Variants in PPARG observed in about 807,000 individuals in gnomAD.
PPARG encodes the protein peroxisome proliferator activated receptor gamma.
A neutral mutation model predicts 39.2 loss-of-function variants in PPARG; 17 were observed. That is an observed-to-expected ratio of 0.43 (90% CI 0.30 to 0.65). The LOEUF is 0.65. Among genes scored for constraint, PPARG ranks in the 30% least tolerant of loss-of-function variants. The pLI, the probability that PPARG is intolerant of heterozygous loss-of-function variation, is 0.13. For synonymous variants in PPARG, 223 were observed against 215.7 expected, an observed-to-expected ratio of 1.03 and a Z score of -0.30; for missense variants, 406 against 585.9, an observed-to-expected ratio of 0.69 and a Z score of 3.17.
At chr3:12,349,192 A>C (rs2048411236) in intron 2 of PPARG, among the ~76,000 whole-genome samples, 1 of 152,172 alleles carries the variant, frequency 6.6e-6, no homozygotes, top group South Asian at 2.1e-4. Context: ...TTTACCACCT[A>C]AGCCTAGGTC....
At chr3:12,331,867 T>C (rs1222905788) in intron 2 of PPARG, among the ~76,000 whole-genome samples, 2 of 152,176 alleles carry the variant, frequency 1.3e-5, no homozygotes, top group South Asian at 2.1e-4. Flanking sequence ...TTTTAGGGAA[T>C]AGAGGATGAA....
chr3:12,387,214 T>C (rs187023263), intron 4 of PPARG, among the ~76,000 whole-genome samples: 106 of 152,364 alleles, frequency 7.0e-4, no homozygotes, highest in Admixed American at 2.0e-3. Flanking sequence ...GCATGACTTA[T>C]AATCCTTTGG....
intron 2 of PPARG, among the ~76,000 whole-genome samples, chr3:12,326,787 A>G (rs1412460776): frequency 1.3e-5 from 2 of 152,142 alleles, no homozygotes; most frequent in Non-Finnish European, 2.9e-5. Context: ...GTAGAAACTA[A>G]TACTGATCAA....
chr3:12,374,558 C>T (rs4135257), intron 2 of PPARG, among the ~76,000 whole-genome samples: 1,949 of 152,130 alleles, frequency 0.013, 27 homozygotes, highest in South Asian at 0.025. Context: ...AAGATCGTGC[C>T]ACTGCATTCC....
chr3:12,417,333 C>T (rs576701526), intron 7 of PPARG, among the ~76,000 whole-genome samples, 179 bp downstream of exon 7: 1 of 152,236 alleles, frequency 6.6e-6, no homozygotes, highest in South Asian at 2.1e-4. Context: ...CATAGGTTTG[C>T]GGTGTGAAGG....
chr3:12,379,468 T>C (rs770809617), intron 2 of PPARG, among the ~76,000 whole-genome samples: 25 of 152,330 alleles, frequency 1.6e-4, no homozygotes, highest in Non-Finnish European at 1.8e-4. Flanking sequence ...ATACACTGTA[T>C]GTATCTGCAC....
intron 2 of PPARG, among the ~76,000 whole-genome samples, chr3:12,369,284 G>T (rs2049126578): frequency 6.6e-6 from 1 of 152,134 alleles, no homozygotes; most frequent in South Asian, 2.1e-4. Flanking sequence ...TTGAGCCCAG[G>T]AGTTTGAGAT....
chr3:12,305,153 C>T (rs2047027188), intron 1 of PPARG, among the ~76,000 whole-genome samples: 1 of 152,000 alleles, frequency 6.6e-6, no homozygotes, highest in African/African-American at 2.4e-5. Context: ...TTTTCTGTCT[C>T]TGTTTCTCTC....
intron 2 of PPARG, among the ~76,000 whole-genome samples, chr3:12,315,627 A>G (rs761542248): frequency 4.6e-5 from 7 of 152,216 alleles, no homozygotes; most frequent in Non-Finnish European, 1.0e-4. Context: ...ATGCAGGGGC[A>G]TTCTTTTCAT....
chr3:12,410,104 G>A (rs2050826477), intron 6 of PPARG, among the ~76,000 whole-genome samples: 1 of 152,202 alleles, frequency 6.6e-6, no homozygotes, highest in Admixed American at 6.5e-5. Context: ...GTCAGCTATA[G>A]ATTGCCGGAC....
At position 12,338,571 on chromosome 3, in the gene PPARG, A is replaced by G. The variant is rs1253410733; in HGVS notation, c.-9+26118A>G. 5.3e-5 allele frequency among the ~76,000 whole-genome samples: 8 copies of G among 152,220 alleles called. No homozygotes were observed. The East Asian group carries it at 1.5e-3, about 29-fold the overall frequency. ...TCTTATATATTTACACAACCAAAAT[A>G]AATTTTAAAATAAGTTGTAAAGCCC... On this transcript the variant is annotated intron_variant, in intron 2 of 7. Coordinates refer to ENST00000651735, the MANE Select transcript of PPARG (RefSeq NM_138711.6).
chr3:12,296,254 CAAAAAAAAAAAAAAAA>C (rs545210244), intron 1 of PPARG, among the ~76,000 whole-genome samples: 1 of 48,628 alleles, frequency 2.1e-5, no homozygotes. Flanking sequence ...CACTTTGTCT[CAAAAAAAAAAAAAAAA>C]AAAAAAAAAG....
chr3:12,349,084 A>G (rs138893000), intron 2 of PPARG, among the ~76,000 whole-genome samples: 1 of 152,310 alleles, frequency 6.6e-6, no homozygotes, highest in East Asian at 1.9e-4. Context: ...TTGACCTTCA[A>G]GTTTAAGCCA....
intron 7 of PPARG, among the ~76,000 whole-genome samples, chr3:12,425,997 C>A (rs2051432040): frequency 6.6e-6 from 1 of 152,142 alleles, no homozygotes; most frequent in Non-Finnish European, 1.5e-5. Context: ...GGGTTGCCCA[C>A]CCTGTCACCA....
intron 5 of PPARG, among the ~76,000 whole-genome samples, chr3:12,394,566 T>G (rs958492929): frequency 2.6e-5 from 4 of 152,118 alleles, no homozygotes; most frequent in Non-Finnish European, 4.4e-5. Flanking sequence ...TAGGGAGTGT[T>G]TGTTCAGTTC....
intron 2 of PPARG, among the ~76,000 whole-genome samples, chr3:12,315,153 C>G (rs1244138706): frequency 1.3e-5 from 2 of 152,184 alleles, no homozygotes; most frequent in Non-Finnish European, 2.9e-5. Flanking sequence ...ATTCTACTGT[C>G]CACTTTTATG....
chr3:12,329,871 A>G (rs2047802298), intron 2 of PPARG, among the ~76,000 whole-genome samples: 1 of 152,220 alleles, frequency 6.6e-6, no homozygotes, highest in Admixed American at 6.5e-5. Flanking sequence ...GTTGTTTCAT[A>G]TAAGTGGACT....
chr3:12,360,589 A>C (rs78169480), intron 2 of PPARG, among the ~76,000 whole-genome samples: 1 of 151,338 alleles, frequency 6.6e-6, no homozygotes. Flanking sequence ...AAAAAAAAAA[A>C]CAGAACAATA....
At chr3:12,410,702 C>G (rs1406472891) in intron 6 of PPARG, among the ~76,000 whole-genome samples, 1 of 152,052 alleles carries the variant, frequency 6.6e-6, no homozygotes, top group African/African-American at 2.4e-5. Flanking sequence ...AAATATGAAA[C>G]TAGTGAAGAA....
Sources: allele counts gnomAD v4.1 joint callset (sites outside exome capture counted in the v4.1 genomes callset), GRCh38; gene constraint gnomAD v4.1.1; transcripts MANE v1.5; gene names NCBI Gene and HGNC (gene_info 2026-07-23, HGNC 2026-07-21).